The following FSTL5 variants were observed in gnomAD, a reference collection of about 807,000 sequenced individuals.
FSTL5 encodes follistatin-related protein 5.
FSTL5 carries 62 observed loss-of-function variants against 89.1 expected under a neutral mutation model. The observed-to-expected ratio is 0.70, with a 90% CI of 0.57 to 0.86. The LOEUF (loss-of-function observed/expected upper bound fraction) is 0.86, where lower values mean the gene tolerates loss of function less well. Ranked by LOEUF, FSTL5 falls within the 40% of genes least tolerant of loss-of-function variation. The probability of loss-of-function intolerance (pLI) is 0.00; values close to 1 mark genes in which losing one functional copy is unlikely to be tolerated. For synonymous variants in FSTL5, 383 were observed against 346.2 expected (o/e 1.11, Z -1.18); for missense variants, 1,057 against 1,001.6 (o/e 1.06, Z -0.75).
chr4:161,935,665 C>G (rs1176835149), intron 3 of FSTL5, among the ~76,000 whole-genome samples: 3 of 152,040 alleles, frequency 2.0e-5, no homozygotes, highest in Admixed American at 6.6e-5. Context: ...TTTTCCTCCT[C>G]CTTTGCACAT....
intron 15 of FSTL5, 119 bp downstream of exon 15, chr4:161,454,885 G>A (rs947850449): frequency 9.1e-5 from 80 of 880,578 alleles, no homozygotes; most frequent in Non-Finnish European, 1.4e-4. Flanking sequence ...CAAAGCTAAA[G>A]CAAGTTCAAT....
At chr4:161,803,341 C>G (rs1729857669) in intron 4 of FSTL5, among the ~76,000 whole-genome samples, 1 of 151,872 alleles carries the variant, frequency 6.6e-6, no homozygotes, top group Non-Finnish European at 1.5e-5. Context: ...TGTAAATCTA[C>G]AAAACTTTGA....
intron 1 of FSTL5, among the ~76,000 whole-genome samples, chr4:162,134,147 A>AT (rs1362194806): frequency 5.3e-5 from 8 of 152,160 alleles, no homozygotes; most frequent in African/African-American, 1.7e-4. Flanking sequence ...CCTTTTTACT[A>AT]TATCCAGTTT....
At chr4:161,580,087 A>C (rs1733381563) in intron 8 of FSTL5, among the ~76,000 whole-genome samples, 2 of 152,180 alleles carry the variant, frequency 1.3e-5, no homozygotes, top group African/African-American at 4.8e-5. Context: ...TTTATATATT[A>C]ATTTTTGAAC....
intron 14 of FSTL5, among the ~76,000 whole-genome samples, chr4:161,455,431 T>G (rs1027222218): frequency 1.4e-4 from 22 of 152,140 alleles, no homozygotes; most frequent in African/African-American, 5.3e-4. Context: ...CCTAATCTTC[T>G]TACAAAGAGA....
chr4:161,873,833 C>T (rs1005559213), intron 4 of FSTL5, among the ~76,000 whole-genome samples: 1 of 151,578 alleles, frequency 6.6e-6, no homozygotes, highest in African/African-American at 2.4e-5. Flanking sequence ...TTGTTGTTCA[C>T]CACTTTTTTG....
At chr4:161,919,799 T>C (rs907718334) in intron 4 of FSTL5, among the ~76,000 whole-genome samples, 11 of 141,926 alleles carry the variant, frequency 7.8e-5, no homozygotes, top group African/African-American at 2.9e-4. Flanking sequence ...GTAAAAATAA[T>C]GTATGGAATT....
intron 2 of FSTL5, among the ~76,000 whole-genome samples, chr4:162,092,779 T>A (rs914529292): frequency 5.9e-5 from 9 of 151,338 alleles, no homozygotes; most frequent in Non-Finnish European, 7.4e-5. Flanking sequence ...TGAAACCCCA[T>A]CTCTACTAAA....
intron 12 of FSTL5, among the ~76,000 whole-genome samples, chr4:161,484,071 G>A (rs1168377041): frequency 6.6e-6 from 1 of 151,922 alleles, no homozygotes; most frequent in African/African-American, 2.4e-5. Flanking sequence ...ATTTTAATTA[G>A]CAATTTAAAT....
intron 7 of FSTL5, among the ~76,000 whole-genome samples, chr4:161,641,810 T>C (rs1735976180): frequency 6.6e-6 from 1 of 151,974 alleles, no homozygotes; most frequent in Admixed American, 6.6e-5. Context: ...AGTTTTCAGT[T>C]GAGGATGTTA....
At chr4:161,686,324 ATATATATATATATATATATATATTTTTTT>A (rs1737721995) in intron 6 of FSTL5, among the ~76,000 whole-genome samples, 7 of 7,000 alleles carry the variant, frequency 1.0e-3, no homozygotes, top group South Asian at 8.2e-3. Context: ...ATATATATAT[ATATATATATATATATATATATATTTTTTT>A]TTTTTTTTTT....
chr4:161,418,327 T>C (rs1731857015), intron 15 of FSTL5, among the ~76,000 whole-genome samples: 1 of 152,166 alleles, frequency 6.6e-6, no homozygotes, highest in African/African-American at 2.4e-5. Flanking sequence ...TATAAATTAC[T>C]GACAAACAAA....
chr4:161,590,942 G>A (rs1253624805), intron 7 of FSTL5, among the ~76,000 whole-genome samples: 3 of 152,150 alleles, frequency 2.0e-5, no homozygotes, highest in African/African-American at 7.2e-5. Flanking sequence ...AATGTGCATA[G>A]CTGTATACTA....
chr4:161,559,617 T>C (rs944885310), intron 8 of FSTL5, among the ~76,000 whole-genome samples: 1 of 151,978 alleles, frequency 6.6e-6, no homozygotes, highest in Non-Finnish European at 1.5e-5. Flanking sequence ...TCTCTTCCTG[T>C]AAGCAAATTA....
At chr4:162,083,778 G>A (rs1730195485) in intron 2 of FSTL5, among the ~76,000 whole-genome samples, 1 of 151,606 alleles carries the variant, frequency 6.6e-6, no homozygotes, top group Admixed American at 6.6e-5. Context: ...ATCAACGTTA[G>A]GAGAGCTATG....
chr4:161,923,994 A>G (rs1734060147), intron 3 of FSTL5, among the ~76,000 whole-genome samples: 1 of 151,838 alleles, frequency 6.6e-6, no homozygotes, highest in South Asian at 2.1e-4. Context: ...GACAGTAATT[A>G]TCCATGACTA....
rs1156378252 is a variant in FSTL5 at position 161,920,648 on chromosome 4, A to C, written c.165T>G (p.Phe55Leu). ...KNQESSRVKG[F>L]MIQDGPFGSC... is the part of the protein sequence containing the mutation. The stretch of plus-strand genomic sequence containing the variant: ...ATCCAAAAGGGCCATCCTGAATCAT[A>C]AATCCTGAAGAATTAAAAAAAAATT... Residue 55 changes from phenylalanine (F) to leucine (L), a missense_variant, in exon 4 of 16, where the codon TTT (phenylalanine) becomes TTG (leucine). Physicochemically the swap from Phe to Leu is conservative, Grantham distance 22. Transcript: ENST00000306100. 1 of 1,561,574 alleles carries C rather than the reference A, an allele frequency of 6.4e-7. No homozygotes were observed. The highest frequency in any genetic ancestry group is 1.9e-5 in the Admixed American group (1 of 51,504).
At chr4:161,898,128 C>T (rs960995989) in intron 4 of FSTL5, among the ~76,000 whole-genome samples, 2 of 147,354 alleles carry the variant, frequency 1.4e-5, no homozygotes, top group African/African-American at 2.5e-5. Context: ...ATATTATAAA[C>T]ATAAGGTTAA....
chr4:161,629,348 A>T (rs1437396656), intron 7 of FSTL5, among the ~76,000 whole-genome samples: 1 of 149,696 alleles, frequency 6.7e-6, no homozygotes, highest in African/African-American at 2.4e-5. Flanking sequence ...AAATTAGATA[A>T]TTTTTTTTTT....
Sources: allele counts gnomAD v4.1 joint callset (sites outside exome capture counted in the v4.1 genomes callset), GRCh38; gene constraint gnomAD v4.1.1; transcripts MANE v1.5; gene names NCBI Gene and HGNC (gene_info 2026-07-23, HGNC 2026-07-21).